PLCG2: variants seen among roughly 807,000 people sequenced by gnomAD.
PLCG2 encodes phospholipase C gamma 2.
Under a neutral mutation model 175.6 loss-of-function variants are expected in PLCG2, and 69 were observed. That is an observed-to-expected ratio of 0.39 (90% CI 0.32 to 0.48). PLCG2 has a LOEUF of 0.48. PLCG2 is among the 20% of genes least tolerant of loss of function. The pLI is 0.91. For missense variants in PLCG2, 1,798 were observed against 1,650.9 expected (o/e 1.09, Z -1.54); for synonymous variants, 827 against 624.0 (o/e 1.33, Z -4.85).
intron 7 of PLCG2, among the ~76,000 whole-genome samples, chr16:81,875,591 G>C (rs907204651): frequency 6.6e-6 from 1 of 152,116 alleles, no homozygotes; most frequent in Non-Finnish European, 1.5e-5. Context: ...CCTCACCCAA[G>C]TCCCTTTTCT....
At position 81,766,923 on chromosome 16, in the gene PLCG2, ATTCT is replaced by A. The variant is rs536669038; in HGVS notation, c.-48+10959_-48+10962del. ...TCCAAACTGGAAGTCTGTCCAGGTC[ATTCT>A]TCTGCTCTAAGGCTTTCAGTAGCTC... On this transcript the variant is annotated intron_variant, in intron 2 of 5. Transcript: ENST00000565054. 341 of 152,234 alleles carry A rather than the reference ATTCT, an allele frequency of 2.2e-3. 2 individuals are homozygous for A. Among genetic ancestry groups the A allele is most frequent in the African/African-American group, 7.8e-3 (323 of 41,528 alleles). The allele number at this position is 152,234 out of a possible 1,614,324, so 9.4% of individuals were successfully genotyped here. A position where few individuals can be genotyped will look rare whatever the true frequency, so the allele number is the denominator to read the frequency against.
intron 23 of PLCG2, among the ~76,000 whole-genome samples, chr16:81,928,139 C>G (rs746668935): frequency 1.3e-5 from 2 of 152,082 alleles, no homozygotes; most frequent in Non-Finnish European, 2.9e-5. Context: ...GTCTTAAAAG[C>G]CAGGTCATAG....
chr16:81,900,975 C>G (rs983226343), intron 14 of PLCG2, among the ~76,000 whole-genome samples, 195 bp downstream of exon 14: 10 of 152,222 alleles, frequency 6.6e-5, no homozygotes, highest in African/African-American at 1.4e-4. Context: ...TCTGTTGTCA[C>G]CAGTCTCTGG....
chr16:81,946,888 CCCTTTGCTTAGTGAAGCAG>C, intron 31 of PLCG2, among the ~76,000 whole-genome samples: 1 of 17,130 alleles, frequency 5.8e-5, no homozygotes, highest in Non-Finnish European at 1.6e-4. Flanking sequence ...AGCATGAAGA[CCCTTTGCTTAGTGAAGCAG>C]ACCCTTTGCT....
At chr16:81,759,700 A>T (rs932604822) in intron 2 of PLCG2, among the ~76,000 whole-genome samples, 6 of 152,238 alleles carry the variant, frequency 3.9e-5, no homozygotes, top group African/African-American at 1.4e-4. Context: ...TTCCAAGGAT[A>T]GCTTATAGCT....
At chr16:81,859,080 CTTTCTCTCTTTCTT>C in intron 4 of PLCG2, 22 bp from the exon 5 acceptor site, 2 of 1,345,386 alleles carry the variant, frequency 1.5e-6, no homozygotes, top group Non-Finnish European at 2.1e-6. Context: ...CTAATTTTCT[CTTTCTCTCTTTCTT>C]TTGTCTCATA....
At chr16:81,897,991 C>T (rs1436921436) in intron 13 of PLCG2, 1 of 406,850 alleles carries the variant, frequency 2.5e-6, no homozygotes, top group Non-Finnish European at 5.0e-6. Context: ...GCAGCATTCT[C>T]CCCTGTGGGG....
In PLCG2 at chr16:81,910,570, G is replaced by T; in HGVS notation, c.1784G>T (p.Gly595Val). 6.2e-7 allele frequency: 1 copy of T among 1,614,158 alleles called. No individual in the cohort carries two copies. ...CGGATCCGCTCCACCATGGAGGGCG[G>T]GACCCTGAAATACTACTTGACTGAC... is the stretch of plus-strand genomic sequence containing the variant. ...HCRIRSTMEG[G>V]TLKYYLTDNL... The change falls in exon 18 of 33, where the codon GGG becomes GTG. Residue 595 changes from glycine (G) to valine (V), a missense_variant. Transcript: ENST00000564138.
intron 2 of PLCG2, among the ~76,000 whole-genome samples, chr16:81,789,356 T>C (rs1370205537): frequency 6.6e-6 from 1 of 152,234 alleles, no homozygotes; most frequent in Non-Finnish European, 1.5e-5. Flanking sequence ...AATGGCCTGA[T>C]CATGGTTCAC....
At chr16:81,907,875 G>A (rs946978204) in intron 16 of PLCG2, 101 bp downstream of exon 16, 1 of 778,232 alleles carries the variant, frequency 1.3e-6, no homozygotes. Context: ...CTGGCCGGCT[G>A]GCAAGGGGAT....
At chr16:81,788,809 A>G (rs142742653) in intron 2 of PLCG2, among the ~76,000 whole-genome samples, 147 of 152,322 alleles carry the variant, frequency 9.7e-4, no homozygotes, top group African/African-American at 3.4e-3. Flanking sequence ...GGAGGTGGCC[A>G]TCTTCCCTCT....
intron 2 of PLCG2, among the ~76,000 whole-genome samples, chr16:81,774,115 A>G (rs543771957): frequency 6.9e-6 from 1 of 144,362 alleles, no homozygotes; most frequent in Non-Finnish European, 1.5e-5. Context: ...GTGGACTGCC[A>G]GAGCTCAGGA....
chr16:81,919,430 ATTGT>A lies in PLCG2; in HGVS notation c.2055-50_2055-47del, dbSNP rs555605832. On this transcript the variant is annotated intron_variant, in intron 19 of 32. Transcript: ENST00000564138. ...TCTAATCAGTAGGGTTTGTGTAAAA[ATTGT>A]TTGGCCACCAGGATCTTGGCATGTC... 2.1e-3 allele frequency: 3,132 copies of A among 1,467,796 alleles called. 10 individuals carry two copies. Among genetic ancestry groups the A allele is most frequent in the Non-Finnish European group, 2.7e-3 (2,838 of 1,055,362 alleles). 90.9% of individuals were successfully genotyped at this position (1,467,796 alleles called of 1,614,324 possible).
intron 19 of PLCG2, among the ~76,000 whole-genome samples, chr16:81,916,223 A>G (rs1266438732): frequency 1.3e-5 from 2 of 152,082 alleles, no homozygotes; most frequent in South Asian, 2.1e-4. Context: ...TTGTTTTTAC[A>G]GGACTTTTTG....
At chr16:81,897,620 A>G (rs938569092) in intron 13 of PLCG2, among the ~76,000 whole-genome samples, 5 of 142,948 alleles carry the variant, frequency 3.5e-5, no homozygotes, top group African/African-American at 1.3e-4. Context: ...ATCTCGGCTC[A>G]CTGCAACCTC....
At chr16:81,866,868 G>C (rs1015618588) in intron 5 of PLCG2, among the ~76,000 whole-genome samples, 2 of 152,196 alleles carry the variant, frequency 1.3e-5, no homozygotes, top group Non-Finnish European at 2.9e-5. Flanking sequence ...ATCCTGCCCT[G>C]GCCCAGCTGT....
chr16:81,850,370 A>T (rs1676853876), intron 2 of PLCG2, among the ~76,000 whole-genome samples: 1 of 151,504 alleles, frequency 6.6e-6, no homozygotes, highest in Admixed American at 6.6e-5. Context: ...CAAACAAAAA[A>T]GTTTCAGTGC....
Position 81,864,778 on chromosome 16 carries a change from G to A in PLCG2, c.480-4436G>A, listed in dbSNP as rs533425803. Among the ~76,000 whole-genome samples the A allele has an allele frequency of 6.6e-5, 10 of 152,280 alleles. No individual in the cohort carries two copies. In the South Asian group the frequency reaches 1.9e-3, roughly 28 times the overall value. On this transcript the variant is annotated intron_variant, in intron 5 of 32. Coordinates refer to ENST00000564138, the MANE Select transcript of PLCG2 (RefSeq NM_002661.5). ...TGTCACGGGGCTGCCATCCTTAATG[G>A]TTTGGTGATGGCTGCCTGGGTGCGG...
At chr16:81,928,300 T>C (rs1310913503) in intron 23 of PLCG2, among the ~76,000 whole-genome samples, 1 of 152,166 alleles carries the variant, frequency 6.6e-6, no homozygotes, top group Non-Finnish European at 1.5e-5. Flanking sequence ...TTATGAAACC[T>C]GTTCTAGAAT....
Sources: gnomAD v4.1 joint callset for allele counts (sites outside exome capture counted in the v4.1 genomes callset) on GRCh38, gnomAD v4.1.1 for gene constraint, MANE v1.5 for transcripts, NCBI Gene and HGNC (gene_info 2026-07-23, HGNC 2026-07-21) for gene names.